The following CFAP46 variants were observed in gnomAD, a reference collection of about 807,000 sequenced individuals.
The protein encoded by CFAP46 is cilia- and flagella-associated protein 46.
In CFAP46, 245 loss-of-function variants were observed where a neutral mutation model predicts 325.7. The ratio of observed to expected loss-of-function variants is 0.75; its 90% CI spans 0.68 to 0.84. The LOEUF is 0.84. Among genes scored for constraint, CFAP46 ranks in the 40% least tolerant of loss-of-function variants. The pLI is 0.00. For synonymous variants in CFAP46, 1,523 were observed against 1,495.9 expected, an observed-to-expected ratio of 1.02 and a Z score of -0.42; for missense variants, 3,346 against 3,543.0, an observed-to-expected ratio of 0.94 and a Z score of 1.41.
rs777101014 is a variant in CFAP46 at position 132,885,261 on chromosome 10, C to T, written c.3469G>A (p.Val1157Met). The change falls in exon 27 of 58, where the codon GTG becomes ATG. Residue 1157 changes from valine (V) to methionine (M), a missense_variant. Transcript: ENST00000368586. ...RLLIFKHMVI[V>M]KAKLGQNFSM... ...AAATTCTGCCCGAGCTTGGCCTTCA[C>T]GATGACCATGTGCTTGAAGATCAAG... 2.1e-5 allele frequency: 33 copies of T among 1,549,164 alleles called. No individual in the cohort carries two copies. Among genetic ancestry groups the T allele is most frequent in the African/African-American group, 1.2e-4 (9 of 72,984 alleles).
Position 132,879,489 on chromosome 10 carries a change from C to G in CFAP46, c.3942G>C (p.Pro1314=). 6.5e-7 allele frequency: 1 copy of G among 1,546,708 alleles called. No individual in the cohort carries two copies. Among genetic ancestry groups the G allele is most frequent in the African/African-American group, 1.4e-5 (1 of 73,070 alleles). ...VHILLALVLS[P]GAEGYEDCCL... is the part of the protein sequence containing the mutation. The stretch of plus-strand genomic sequence containing the variant: ...AGCAGTCCTCGTAGCCCTCGGCGCC[C>G]GGCGACAGCACCAGGGCCAGCAGGA... Residue 1314 remains proline, a synonymous_variant, in exon 29 of 58, where the codon CCG becomes CCC. Transcript: ENST00000368586.
At chr10:132,924,640 TCTC>T in intron 11 of CFAP46, 53 bp downstream of exon 11, 7 of 1,389,476 alleles carry the variant, frequency 5.0e-6, no homozygotes, top group Non-Finnish European at 6.5e-6. Context: ...TCCTCCTCTG[TCTC>T]CTCCTATGCG....
chr10:132,937,843 C>A (rs1200587575), intron 5 of CFAP46, among the ~76,000 whole-genome samples, 168 bp from the exon 6 acceptor site: 1 of 152,164 alleles, frequency 6.6e-6, no homozygotes, highest in Non-Finnish European at 1.5e-5. Context: ...CAGGAAGGGC[C>A]AGCAGGTGCC....
chr10:132,828,794 G>A lies in CFAP46; in HGVS notation c.7117+4564C>T, dbSNP rs911591805. On this transcript the variant is annotated intron_variant, in intron 50 of 57. Coordinates refer to ENST00000368586, the MANE Select transcript of CFAP46 (RefSeq NM_001200049.3). This position sits in a 1 kb window ranked among gnomAD's most constrained non-coding sequence, Gnocchi z 4.9. ...CCTCGTTTTTGTTGTGTTTCGTTCT[G>A]CACTTGGACGTCCAGGGACTGCAGC... Among the ~76,000 whole-genome samples the A allele has an allele frequency of 6.6e-6, 1 of 152,026 alleles. No individual in the cohort carries two copies. The highest frequency in any genetic ancestry group is 2.4e-5 in the African/African-American group (1 of 41,368).
chr10:132,826,821 G>A (rs900487467), intron 50 of CFAP46, among the ~76,000 whole-genome samples: 1 of 152,112 alleles, frequency 6.6e-6, no homozygotes, highest in Admixed American at 6.6e-5. Context: ...TTAATAACAG[G>A]CACCCCAGGC....
chr10:132,913,343 AACCAGGC>A, intron 17 of CFAP46, 85 bp from the exon 18 acceptor site: 1 of 889,792 alleles, frequency 1.1e-6, no homozygotes, highest in Non-Finnish European at 1.7e-6. Flanking sequence ...GCCTGTTAGG[AACCAGGC>A]TGCAGGGCAA....
At chr10:132,864,644 C>T (rs1848784812) in intron 35 of CFAP46, among the ~76,000 whole-genome samples, 5 of 147,524 alleles carry the variant, frequency 3.4e-5, no homozygotes, top group Admixed American at 6.7e-5. Flanking sequence ...GTCCCCCTGC[C>T]TGAGACCTGC....
intron 34 of CFAP46, among the ~76,000 whole-genome samples, chr10:132,867,084 C>T (rs551366734): frequency 6.6e-6 from 1 of 152,268 alleles, no homozygotes; most frequent in Admixed American, 6.5e-5. Flanking sequence ...AAGCCCCTCG[C>T]ACACTGACAC....
chr10:132,879,304 A>G, intron 29 of CFAP46, 122 bp downstream of exon 29: 1 of 992,624 alleles, frequency 1.0e-6, no homozygotes, highest in South Asian at 1.8e-5. Flanking sequence ...TCACATCTCA[A>G]AGGTCTTTAG....
At chr10:132,894,943 C>T (rs1667016056) in intron 24 of CFAP46, among the ~76,000 whole-genome samples, 1 of 151,616 alleles carries the variant, frequency 6.6e-6, no homozygotes, top group Admixed American at 6.6e-5. Context: ...AGAAACACTC[C>T]TGGGTTCACC....
At chr10:132,898,915 G>T in intron 24 of CFAP46, 44 bp downstream of exon 24, 1 of 1,547,890 alleles carries the variant, frequency 6.5e-7, no homozygotes, top group Non-Finnish European at 8.7e-7. Flanking sequence ...AGACCCACTA[G>T]AGGCCTCAGT....
At chr10:132,927,933 T>C (rs1204923351) in intron 9 of CFAP46, among the ~76,000 whole-genome samples, 4 of 152,106 alleles carry the variant, frequency 2.6e-5, no homozygotes. Flanking sequence ...TTTCGACCAG[T>C]GGTCAGGAGG....
intron 46 of CFAP46, 101 bp from the exon 47 acceptor site, chr10:132,835,535 A>C: frequency 6.9e-7 from 1 of 1,458,120 alleles, no homozygotes; most frequent in Non-Finnish European, 9.4e-7. Flanking sequence ...GTCCCACAGG[A>C]AAGGCTGCAT....
At chr10:132,887,779 TCTCTC>T (rs1183141332) in intron 25 of CFAP46, among the ~76,000 whole-genome samples, 1 of 73,238 alleles carries the variant, frequency 1.4e-5, no homozygotes, top group Non-Finnish European at 2.7e-5. Flanking sequence ...TCCCTTCTTC[TCTCTC>T]CTCTCCTCTC....
intron 50 of CFAP46, among the ~76,000 whole-genome samples, chr10:132,822,261 CTG>C (rs1413617499): frequency 2.9e-4 from 13 of 44,864 alleles, no homozygotes; most frequent in African/African-American, 8.3e-4. Context: ...CTGATGTGTG[CTG>C]TGTGTGTGCT....
intron 50 of CFAP46, among the ~76,000 whole-genome samples, chr10:132,823,609 CTG>C (rs1227995859): frequency 2.2e-5 from 2 of 89,708 alleles, no homozygotes; most frequent in African/African-American, 9.2e-5. Flanking sequence ...CTGATGTGTG[CTG>C]TGTGTGTGCT....
chr10:132,879,484 G>GCC lies in CFAP46; in HGVS notation c.3946_3947insGG (p.Ala1316GlyfsTer24). 2 of 1,546,640 alleles carry GCC rather than the reference G, an allele frequency of 1.3e-6. No individual in the cohort carries two copies. The highest frequency in any genetic ancestry group is 8.7e-7 in the Non-Finnish European group (1 of 1,145,590). On this transcript the variant is annotated frameshift_variant, in exon 29 of 58. Coordinates refer to ENST00000368586, the MANE Select transcript of CFAP46 (RefSeq NM_001200049.3). LOFTEE classifies it high-confidence loss of function. Reference sequence around the variant, plus strand: ...AAGGCAGCAGTCCTCGTAGCCCTCGGCGCCCGGCGACAGCACCAGGGCCAG... The same window carrying GCC: ...AAGGCAGCAGTCCTCGTAGCCCTCGGCCCGCCCGGCGACAGCACCAGGGCCAG...
At chr10:132,905,125 G>A (rs1037320394) in intron 22 of CFAP46, among the ~76,000 whole-genome samples, 9 of 150,938 alleles carry the variant, frequency 6.0e-5, no homozygotes, top group African/African-American at 1.9e-4. Flanking sequence ...CTTTTGTATT[G>A]TCAAAATCAA....
intron 41 of CFAP46, among the ~76,000 whole-genome samples, chr10:132,848,760 G>T (rs1194651820): frequency 1.3e-5 from 2 of 152,208 alleles, no homozygotes; most frequent in Non-Finnish European, 2.9e-5. Flanking sequence ...GCCACAGAGA[G>T]CTTTTTTCTT....
Sources: gnomAD v4.1 joint callset for allele counts (sites outside exome capture counted in the v4.1 genomes callset) on GRCh38, gnomAD v4.1.1 for gene constraint, Gnocchi (gnomAD v3.1) non-coding constraint, MANE v1.5 for transcripts, NCBI Gene and HGNC (gene_info 2026-07-23, HGNC 2026-07-21) for gene names.